Variants in C3orf70 observed in about 807,000 individuals in gnomAD.
C3orf70 encodes the protein chromosome 3 open reading frame 70.
A neutral mutation model predicts 20.7 loss-of-function variants in C3orf70; 15 were observed. The observed-to-expected ratio is 0.72, with a 90% confidence interval of 0.48 to 1.11. The LOEUF (loss-of-function observed/expected upper bound fraction) is 1.11, where lower values mean the gene tolerates loss of function less well. C3orf70 is among the 50% of genes most tolerant of loss of function. The pLI is 0.00. For synonymous variants in C3orf70, 161 were observed against 125.7 expected (o/e 1.28, Z -1.88); for missense variants, 332 against 317.6 (o/e 1.05, Z -0.34).
intron 1 of C3orf70, among the ~76,000 whole-genome samples, chr3:185,095,760 C>T (rs1213444517): frequency 7.4e-5 from 9 of 121,330 alleles, no homozygotes; most frequent in South Asian, 2.8e-4. Context: ...TTTTTTGAGA[C>T]GGAGTCTTGC....
At chr3:185,151,258 A>G (rs563602973) in intron 1 of C3orf70, among the ~76,000 whole-genome samples, 73 of 152,326 alleles carry the variant, frequency 4.8e-4, no homozygotes, top group African/African-American at 1.5e-3. Flanking sequence ...ACACTGTCAA[A>G]ATAAGACAGA....
chr3:185,110,139 G>A (rs1577325199), intron 1 of C3orf70, among the ~76,000 whole-genome samples: 1 of 152,172 alleles, frequency 6.6e-6, no homozygotes, highest in East Asian at 1.9e-4. Context: ...CCCGCTGTAG[G>A]AGCTAAACAC....
At chr3:185,097,808 G>A (rs920969032) in intron 1 of C3orf70, among the ~76,000 whole-genome samples, 7 of 152,228 alleles carry the variant, frequency 4.6e-5, no homozygotes, top group African/African-American at 1.7e-4. Context: ...TGACGTTCTA[G>A]ACAAAACTGG....
intron 1 of C3orf70, among the ~76,000 whole-genome samples, chr3:185,151,782 T>A (rs557668051): frequency 6.6e-6 from 1 of 152,304 alleles, no homozygotes; most frequent in South Asian, 2.1e-4. Flanking sequence ...TTAGAATATA[T>A]TTCTTAAAAT....
At chr3:185,123,364 C>T (rs1374839456) in intron 1 of C3orf70, among the ~76,000 whole-genome samples, 1 of 151,950 alleles carries the variant, frequency 6.6e-6, no homozygotes, top group African/African-American at 2.4e-5. Flanking sequence ...AGTGGTGACC[C>T]ATCGTGGTTT....
chr3:185,108,391 C>T (rs530232910), intron 1 of C3orf70, among the ~76,000 whole-genome samples: 105 of 152,314 alleles, frequency 6.9e-4, no homozygotes, highest in African/African-American at 2.1e-3. Context: ...ATTCTTCATA[C>T]GTGGTTCATG....
chr3:185,150,023 TA>T (rs1491460685), intron 1 of C3orf70, among the ~76,000 whole-genome samples: 1 of 152,018 alleles, frequency 6.6e-6, no homozygotes, highest in African/African-American at 2.4e-5. Flanking sequence ...TGTTTTTTTT[TA>T]AAAAAAGAGT....
intron 1 of C3orf70, among the ~76,000 whole-genome samples, chr3:185,096,017 G>C (rs1251156250): frequency 2.0e-5 from 3 of 152,054 alleles, no homozygotes; most frequent in South Asian, 2.1e-4. Context: ...TTACAGGCGT[G>C]AACCACCGCG....
chr3:185,106,506 G>A (rs1715945077), intron 1 of C3orf70, among the ~76,000 whole-genome samples: 1 of 152,200 alleles, frequency 6.6e-6, no homozygotes, highest in Non-Finnish European at 1.5e-5. Flanking sequence ...AAACTGCTGA[G>A]CCTGAAATAT....
At position 185,091,955 on chromosome 3, in the gene C3orf70, AT is replaced by A. The variant is rs1715596377; in HGVS notation, c.197-8393del. The stretch of plus-strand genomic sequence containing the variant: ...TATATATATATATATATATATATAT[AT>A]ATATATATTTTTTTTTTTTTTTAGT... On this transcript the variant is annotated intron_variant, in intron 1 of 1. Transcript: ENST00000335012. 4.3e-4 allele frequency among the ~76,000 whole-genome samples: 4 copies of A among 9,284 alleles called. 1 individual carries two copies. Among genetic ancestry groups the A allele is most frequent in the South Asian group, 3.0e-3 (1 of 330 alleles). 6.1% of individuals were successfully genotyped at this position (9,284 alleles called of 152,430 possible).
At chr3:185,087,842 T>C (rs539763483) in intron 1 of C3orf70, among the ~76,000 whole-genome samples, 7 of 152,110 alleles carry the variant, frequency 4.6e-5, no homozygotes, top group Non-Finnish European at 8.8e-5. Context: ...ACCAAGAAAA[T>C]GAGTGGCCTG....
intron 1 of C3orf70, among the ~76,000 whole-genome samples, chr3:185,107,407 G>A (rs994118487): frequency 3.3e-5 from 5 of 152,246 alleles, no homozygotes; most frequent in East Asian, 1.9e-4. Flanking sequence ...CATATGATGC[G>A]TGAAATGGGG....
At chr3:185,107,427 G>C (rs1162727416) in intron 1 of C3orf70, among the ~76,000 whole-genome samples, 1 of 152,128 alleles carries the variant, frequency 6.6e-6, no homozygotes, top group Non-Finnish European at 1.5e-5. Flanking sequence ...GTATGTCCCT[G>C]GTATGGGACT....
At chr3:185,098,090 C>T (rs1230554963) in intron 1 of C3orf70, among the ~76,000 whole-genome samples, 1 of 152,082 alleles carries the variant, frequency 6.6e-6, no homozygotes, top group Admixed American at 6.5e-5. Flanking sequence ...TGCAGAGAGA[C>T]AAAGCCATAA....
rs750196410 is a variant in C3orf70, at chr3:185,083,140, G to A, written c.620C>T (p.Thr207Ile). ...TGAACTCAGTTCTGCTCCTTCTTCT[G>A]TGTCCTCGTCACACGATTCCACATA... ...AHYVESCDED[T>I]EEGAELSSEE... Residue 207 changes from threonine (T) to isoleucine (I), a missense_variant, in exon 2 of 2, where the codon ACA becomes ATA. Transcript: ENST00000335012. 9.3e-6 allele frequency: 15 copies of A among 1,614,144 alleles called. No individual in the cohort carries two copies. In the South Asian group the frequency reaches 1.5e-4, roughly 17 times the overall value.
intron 1 of C3orf70, among the ~76,000 whole-genome samples, chr3:185,137,596 G>A (rs1169361940): frequency 2.0e-5 from 3 of 152,100 alleles, no homozygotes; most frequent in Admixed American, 6.5e-5. Context: ...AGAATCAAGC[G>A]AGAAACCAGT....
rs778557880 is a variant in C3orf70, at chr3:185,083,536, G to T, written c.224C>A (p.Pro75His). 6.2e-7 allele frequency: 1 copy of T among 1,609,324 alleles called. No individual in the cohort carries two copies. The highest frequency in any genetic ancestry group is 8.5e-7 in the Non-Finnish European group (1 of 1,178,438). ...HCKYMYQPMT[P>H]VEQLPSTEIP... is the part of the protein sequence containing the mutation. ...CTCAGTGCTTGGAAGCTGTTCCACAGGGGTCATAGGCTGATACATGTATTT... is the reference window on the plus strand; with the variant it reads ...CTCAGTGCTTGGAAGCTGTTCCACATGGGTCATAGGCTGATACATGTATTT... The change falls in exon 2 of 2, where the codon CCT (proline) becomes CAT (histidine). Residue 75 changes from proline (P) to histidine (H), a missense_variant. Transcript: ENST00000335012.
chr3:185,110,322 T>C (rs1374372162), intron 1 of C3orf70, among the ~76,000 whole-genome samples: 1 of 152,208 alleles, frequency 6.6e-6, no homozygotes, highest in Non-Finnish European at 1.5e-5. Flanking sequence ...CTGGAGTGCT[T>C]GAAGGAGCTG....
chr3:185,116,329 A>C (rs1199710991), intron 1 of C3orf70, among the ~76,000 whole-genome samples: 1 of 151,974 alleles, frequency 6.6e-6, no homozygotes, highest in South Asian at 2.1e-4. Context: ...GTCATTTGGC[A>C]ATGTTTAGAA....
Sources: gnomAD v4.1 joint callset for allele counts (sites outside exome capture counted in the v4.1 genomes callset) on GRCh38, gnomAD v4.1.1 for gene constraint, MANE v1.5 for transcripts, NCBI Gene and HGNC (gene_info 2026-07-23, HGNC 2026-07-21) for gene names.